RALGAPB: variants seen among roughly 807,000 people sequenced by gnomAD.
The protein encoded by RALGAPB is ral GTPase-activating protein subunit beta.
Under a neutral mutation model 161.1 loss-of-function variants are expected in RALGAPB, and 25 were observed. That is an observed-to-expected ratio of 0.16 (90% CI 0.11 to 0.22). The LOEUF (loss-of-function observed/expected upper bound fraction) is 0.22, where lower values mean the gene tolerates loss of function less well. Among genes scored for constraint, RALGAPB ranks in the 10% least tolerant of loss-of-function variants. RALGAPB has a pLI of 1.00. For missense variants in RALGAPB, 1,391 were observed against 1,815.2 expected (o/e 0.77, Z 4.25); for synonymous variants, 629 against 626.1 (o/e 1.00, Z -0.07).
chr20:38,528,708 T>C (rs2086550220), intron 13 of RALGAPB, among the ~76,000 whole-genome samples: 1 of 151,094 alleles, frequency 6.6e-6, no homozygotes, highest in African/African-American at 2.4e-5. Flanking sequence ...TGAGATGGAG[T>C]CTCGCTGTGT....
At chr20:38,506,534 T>A (rs920587954) in intron 5 of RALGAPB, among the ~76,000 whole-genome samples, 1 of 152,218 alleles carries the variant, frequency 6.6e-6, no homozygotes. Context: ...GCTCGAGCAG[T>A]CCTCCTGCCT....
rs146893028 is a variant in RALGAPB, at chr20:38,565,831, C to T, written c.3817+353C>T. ...TACTTTTCTATTCCCATATGAGAGC[C>T]TTTGCATGGAACCACCTAGAATCCT... On this transcript the variant is annotated intron_variant, in intron 25 of 29. Coordinates refer to ENST00000262879, the MANE Select transcript of RALGAPB (RefSeq NM_020336.4). 7.7e-3 allele frequency among the ~76,000 whole-genome samples: 1,177 copies of T among 152,178 alleles called. 8 individuals are homozygous for T. Among genetic ancestry groups the T allele is most frequent in the Non-Finnish European group, 0.012 (839 of 68,012 alleles).
At chr20:38,525,725 T>C (rs1056410822) in intron 12 of RALGAPB, among the ~76,000 whole-genome samples, 170 bp from the exon 13 acceptor site, 27 of 152,094 alleles carry the variant, frequency 1.8e-4, no homozygotes, top group Admixed American at 1.3e-4. Context: ...CAAGCAGTTA[T>C]AGGCTAAGGA....
At chr20:38,532,996 A>G in intron 15 of RALGAPB, 137 bp downstream of exon 15, 2 of 1,031,190 alleles carry the variant, frequency 1.9e-6, no homozygotes, top group South Asian at 3.8e-5. Context: ...GTCAGTCTTA[A>G]GAAGCTAAGA....
At chr20:38,555,237 A>G (rs867546398) in intron 22 of RALGAPB, among the ~76,000 whole-genome samples, 9 of 152,378 alleles carry the variant, frequency 5.9e-5, no homozygotes, top group Middle Eastern at 3.4e-3. Context: ...AAGATTGCCA[A>G]GCAAGAAGTT....
At chr20:38,558,557 A>G in intron 23 of RALGAPB, 104 bp downstream of exon 23, 1 of 1,108,196 alleles carries the variant, frequency 9.0e-7, no homozygotes, top group Non-Finnish European at 1.2e-6. Context: ...TATTTGGGCC[A>G]GAGTTGAGGA....
chr20:38,567,126 A>G lies in RALGAPB; in HGVS notation c.3848A>G (p.Gln1283Arg). Residue 1283 changes from glutamine to arginine, a missense_variant, in exon 26 of 30, where the codon CAA becomes CGA. Transcript: ENST00000262879. ...TCATTGGAAAGTAACATCTCGGACC[A>G]AGATAGTGATTCAAATATGGATCTT... ...TDSLESNISD[Q>R]DSDSNMDLMP... 6.2e-7 allele frequency: 1 copy of G among 1,613,652 alleles called. No individual in the cohort carries two copies. Among genetic ancestry groups the G allele is most frequent in the Non-Finnish European group, 8.5e-7 (1 of 1,179,672 alleles).
chr20:38,577,336 T>G lies in RALGAPB; in HGVS notation c.*2369T>G, dbSNP rs1460443307. ...GCACTGGAGGAACATATTTAGCACC[T>G]AATATTAATATTTAGTAGTCCATTG... On this transcript the variant is annotated 3_prime_UTR_variant, in exon 30 of 30. Transcript: ENST00000262879. 1 of 152,210 alleles carries G rather than the reference T, an allele frequency of 6.6e-6. No homozygotes were observed. The highest frequency in any genetic ancestry group is 2.4e-5 in the African/African-American group (1 of 41,452). The allele number at this position is 152,210 out of a possible 1,614,324, so 9.4% of individuals were successfully genotyped here.
intron 27 of RALGAPB, among the ~76,000 whole-genome samples, chr20:38,570,369 C>G (rs1384550601): frequency 6.6e-6 from 1 of 152,160 alleles, no homozygotes; most frequent in Non-Finnish European, 1.5e-5. Flanking sequence ...CCTACTGTCT[C>G]GTTTTAGTAT....
chr20:38,539,562 A>AAT (rs1416757261), intron 16 of RALGAPB, among the ~76,000 whole-genome samples: 2 of 152,336 alleles, frequency 1.3e-5, no homozygotes, highest in East Asian at 3.9e-4. Context: ...ATGCTAATGA[A>AAT]ATACTGTTTG....
At chr20:38,567,575 A>G (rs1018337158) in intron 26 of RALGAPB, among the ~76,000 whole-genome samples, 2 of 152,196 alleles carry the variant, frequency 1.3e-5, no homozygotes, top group Non-Finnish European at 2.9e-5. Context: ...TAATCTTGCA[A>G]TGTTCATCTT....
intron 1 of RALGAPB, among the ~76,000 whole-genome samples, chr20:38,478,867 C>T (rs765075468): frequency 2.2e-4 from 33 of 152,150 alleles, no homozygotes; most frequent in Non-Finnish European, 3.1e-4. Context: ...CTGCCTACCT[C>T]GGCCTCCCAA....
intron 19 of RALGAPB, chr20:38,548,177 G>A (rs2087238681): frequency 6.6e-6 from 1 of 152,178 alleles, no homozygotes; most frequent in Admixed American, 6.6e-5. Flanking sequence ...TCATGTCCCT[G>A]AACTTCTGCT....
In RALGAPB at chr20:38,548,714, G is replaced by A; in HGVS notation, c.2928G>A (p.Val976=). Residue 976 remains valine (V), a synonymous_variant, in exon 20 of 30, where the codon GTG becomes GTA. Coordinates refer to ENST00000262879, the MANE Select transcript of RALGAPB (RefSeq NM_020336.4). ...ATGATTTTTTCCCCTCTGTCACTGT[G>A]CTGGTCCGGGGAATGTCTGGAAGAC... ...EQNDFFPSVT[V]LVRGMSGRLA... 1 of 1,613,876 alleles carries A rather than the reference G, an allele frequency of 6.2e-7. No homozygotes were observed. The highest frequency in any genetic ancestry group is 1.7e-4 in the Middle Eastern group (1 of 6,060).
chr20:38,500,275 A>AG (rs1432818590), intron 5 of RALGAPB, among the ~76,000 whole-genome samples: 5 of 151,858 alleles, frequency 3.3e-5, no homozygotes, highest in Admixed American at 6.6e-5. Flanking sequence ...GGGTTGTGGC[A>AG]ACCCTGCATC....
intron 21 of RALGAPB, among the ~76,000 whole-genome samples, chr20:38,552,584 G>A (rs892898015): frequency 3.9e-5 from 6 of 152,172 alleles, no homozygotes; most frequent in African/African-American, 1.4e-4. Flanking sequence ...ACAAGTAATA[G>A]AGGCAGTAGG....
chr20:38,499,004 T>A (rs904086461), intron 4 of RALGAPB, among the ~76,000 whole-genome samples: 3 of 152,204 alleles, frequency 2.0e-5, no homozygotes, highest in Non-Finnish European at 4.4e-5. Context: ...TTTCTCATCT[T>A]CAAAATGGGT....
At chr20:38,562,802 C>A in intron 24 of RALGAPB, 105 bp downstream of exon 24, 1 of 1,310,884 alleles carries the variant, frequency 7.6e-7, no homozygotes. Flanking sequence ...AATACAAAAC[C>A]AGGCTGGGTA....
At chr20:38,506,048 T>C (rs941686959) in intron 5 of RALGAPB, among the ~76,000 whole-genome samples, 1 of 39,426 alleles carries the variant, frequency 2.5e-5, no homozygotes, top group African/African-American at 1.3e-4. Context: ...AAATTGAATT[T>C]GCCTTCTACT....
Sources: allele counts gnomAD v4.1 joint callset (sites outside exome capture counted in the v4.1 genomes callset), GRCh38; gene constraint gnomAD v4.1.1; transcripts MANE v1.5; gene names NCBI Gene and HGNC (gene_info 2026-07-23, HGNC 2026-07-21).